The following POLH variants were observed in gnomAD, a reference collection of about 807,000 sequenced individuals.
POLH encodes DNA polymerase eta, also known as DNA polymerase eta transcript.
Under a neutral mutation model 73.6 loss-of-function variants are expected in POLH, and 53 were observed. That is an observed-to-expected ratio of 0.72 (90% CI 0.58 to 0.91). The LOEUF is 0.91. POLH is among the 40% of genes least tolerant of loss of function. The pLI, the probability that POLH is intolerant of heterozygous loss-of-function variation, is 0.00. For missense variants in POLH, 768 were observed against 865.4 expected (o/e 0.89, Z 1.41); for synonymous variants, 292 against 308.5 (o/e 0.95, Z 0.56).
At chr6:43,581,539 A>T (rs1192621736) in intron 1 of POLH, among the ~76,000 whole-genome samples, 1 of 150,406 alleles carries the variant, frequency 6.6e-6, no homozygotes, top group Non-Finnish European at 1.5e-5. Context: ...AGGCCAAGGC[A>T]GGCGGCTGCT....
chr6:43,610,578 G>A lies in POLH; in HGVS notation c.1099G>A (p.Val367Ile). 1 of 1,614,044 alleles carries A rather than the reference G, an allele frequency of 6.2e-7. No homozygotes were observed. Among genetic ancestry groups the A allele is most frequent in the Non-Finnish European group, 8.5e-7 (1 of 1,179,994 alleles). ...NDNDRVATQL[V>I]VSIRVQGDKR... ...GAATGACAGGGTAGCCACCCAGCTGGTTGTGAGCATTCGTGTACAAGGAGA... is the reference window on the plus strand; with the variant it reads ...GAATGACAGGGTAGCCACCCAGCTGATTGTGAGCATTCGTGTACAAGGAGA... Residue 367 changes from valine (V) to isoleucine (I), a missense_variant, in exon 10 of 11, where the codon GTT becomes ATT. Coordinates refer to ENST00000372236, the MANE Select transcript of POLH (RefSeq NM_006502.3).
At chr6:43,594,126 T>G (rs1765783152) in intron 4 of POLH, among the ~76,000 whole-genome samples, 1 of 152,170 alleles carries the variant, frequency 6.6e-6, no homozygotes, top group African/African-American at 2.4e-5. Context: ...TTTAAAAATC[T>G]ACATTGCCAC....
intron 3 of POLH, 122 bp from the exon 4 acceptor site, chr6:43,587,148 CTG>C: frequency 1.3e-6 from 1 of 799,202 alleles, no homozygotes; most frequent in East Asian, 2.4e-5. Context: ...TGTCTAGTCT[CTG>C]TTAAGCCACA....
At chr6:43,604,846 G>T in intron 8 of POLH, 108 bp downstream of exon 8, 1 of 1,115,754 alleles carries the variant, frequency 9.0e-7, no homozygotes, top group South Asian at 1.3e-5. Context: ...TATAAAGTAT[G>T]AAGAAAACAG....
At chr6:43,605,368 T>A (rs757650059) in intron 9 of POLH, 49 bp downstream of exon 9, 3 of 893,762 alleles carry the variant, frequency 3.4e-6, no homozygotes, top group Admixed American at 3.7e-5. Context: ...AATTTACATA[T>A]CAGCTGCTCT....
intron 10 of POLH, among the ~76,000 whole-genome samples, chr6:43,613,118 T>C (rs1337090805): frequency 6.6e-6 from 1 of 152,168 alleles, no homozygotes; most frequent in Non-Finnish European, 1.5e-5. Flanking sequence ...TTTCTTAAAA[T>C]GTTTCTGAAA....
chr6:43,597,759 C>T lies in POLH; in HGVS notation c.554C>T (p.Ser185Phe). ...TCTCTTCAGATTGATAACCTCACCTCTCCAGACCTGCAGCTCACCGTGGGA... is the reference window on the plus strand; with the variant it reads ...TCTCTTCAGATTGATAACCTCACCTTTCCAGACCTGCAGCTCACCGTGGGA... Reference protein sequence around the residue: ...LDSLQIDNLTSPDLQLTVGAV... With the variant: ...LDSLQIDNLTFPDLQLTVGAV... Residue 185 changes from serine (S) to phenylalanine (F), a missense_variant, in exon 5 of 11, where the codon TCT becomes TTT. By Grantham distance (155) the Ser-to-Phe change is radical. Coordinates refer to ENST00000372236, the MANE Select transcript of POLH (RefSeq NM_006502.3). The T allele has an allele frequency of 6.2e-7, 1 of 1,614,046 alleles. No individual in the cohort carries two copies. Among genetic ancestry groups the T allele is most frequent in the East Asian group, 2.2e-5 (1 of 44,886 alleles).
chr6:43,591,778 T>A (rs1316399550), intron 4 of POLH, among the ~76,000 whole-genome samples: 1 of 152,178 alleles, frequency 6.6e-6, no homozygotes, highest in African/African-American at 2.4e-5. Flanking sequence ...CATAAGACAA[T>A]TTTGCATGCA....
At chr6:43,591,896 T>A (rs943918671) in intron 4 of POLH, among the ~76,000 whole-genome samples, 6 of 152,246 alleles carry the variant, frequency 3.9e-5, no homozygotes, top group Admixed American at 3.3e-4. Flanking sequence ...AGCATTCTAT[T>A]ATCTCTGGCT....
chr6:43,602,995 CTTTTTTTTTTTT>C (rs59306548), intron 6 of POLH, among the ~76,000 whole-genome samples: 22 of 114,022 alleles, frequency 1.9e-4, no homozygotes, highest in African/African-American at 2.7e-4. Context: ...TTATGTATTC[CTTTTTTTTTTTT>C]TTTTTTTTTT....
Position 43,611,610 on chromosome 6 carries a change from T to A in POLH, c.1244+887T>A, listed in dbSNP as rs1045066853. 3.3e-5 allele frequency among the ~76,000 whole-genome samples: 5 copies of A among 152,274 alleles called. No homozygotes were observed. The South Asian group carries it at 1.0e-3, about 32-fold the overall frequency. On this transcript the variant is annotated intron_variant, in intron 10 of 10. Transcript: ENST00000372236. The stretch of plus-strand genomic sequence containing the variant: ...CAAATTCACAATAGAAATATAATTA[T>A]GAGAGAGAGGTAAGTCAGTTGCTCA...
intron 9 of POLH, 111 bp downstream of exon 9, chr6:43,605,430 A>G: frequency 3.4e-6 from 2 of 588,744 alleles, no homozygotes. Context: ...CATAGGAAAT[A>G]TCCGTTTTCT....
At position 43,586,082 on chromosome 6, in the gene POLH, A is replaced by G. The variant is rs1169832622; in HGVS notation, c.273-1190A>G. 2.6e-5 allele frequency among the ~76,000 whole-genome samples: 4 copies of G among 152,114 alleles called. 1 individual carries two copies. Among genetic ancestry groups the G allele is most frequent in the South Asian group, 2.1e-4 (1 of 4,822 alleles). On this transcript the variant is annotated intron_variant, in intron 3 of 10. Coordinates refer to ENST00000372236, the MANE Select transcript of POLH (RefSeq NM_006502.3). ...AATTATATTAGTTTTTATGGGTGTC[A>G]TGGTGAAGAGGTACCGATGTTTTCA... is the stretch of plus-strand genomic sequence containing the variant.
chr6:43,579,700 T>C (rs1054093163), intron 1 of POLH, among the ~76,000 whole-genome samples: 10 of 152,024 alleles, frequency 6.6e-5, no homozygotes, highest in Admixed American at 3.9e-4. Flanking sequence ...GCATCAGAAG[T>C]AGGGGGCAGT....
At chr6:43,579,247 C>G (rs1432061469) in intron 1 of POLH, among the ~76,000 whole-genome samples, 2 of 152,194 alleles carry the variant, frequency 1.3e-5, no homozygotes, top group Non-Finnish European at 2.9e-5. Flanking sequence ...ATAAGACTTT[C>G]ATTTCAGAAG....
rs976358749 is a variant in POLH at position 43,617,952 on chromosome 6, T to C, written c.*3395T>C. Among the ~76,000 whole-genome samples, 1 of 152,154 alleles carries C rather than the reference T, an allele frequency of 6.6e-6. No homozygotes were observed. The highest frequency in any genetic ancestry group is 2.4e-5 in the African/African-American group (1 of 41,444). On this transcript the variant is annotated 3_prime_UTR_variant, in exon 11 of 11. Transcript: ENST00000372236. ...AAATTCCCAATGTGTATCTTAAAGTTTGAGAAATGCTGATCTAAAAGATAC... is the reference window on the plus strand; with the variant it reads ...AAATTCCCAATGTGTATCTTAAAGTCTGAGAAATGCTGATCTAAAAGATAC...
chr6:43,591,237 G>A (rs1765428161), intron 4 of POLH: 1 of 152,184 alleles, frequency 6.6e-6, no homozygotes, highest in African/African-American at 2.4e-5. Context: ...TGGGACCAGA[G>A]TCAGAAATTT....
chr6:43,597,658 T>G (rs1363621279), intron 4 of POLH, 38 bp from the exon 5 acceptor site: 1 of 1,559,712 alleles, frequency 6.4e-7, no homozygotes, highest in South Asian at 1.1e-5. Flanking sequence ...ATAAATAATT[T>G]TTTAAATGTC....
chr6:43,591,702 A>C (rs1765481578), intron 4 of POLH, among the ~76,000 whole-genome samples: 1 of 151,660 alleles, frequency 6.6e-6, no homozygotes, highest in Admixed American at 6.6e-5. Context: ...TTTGAGAATT[A>C]CATACTCTTA....
Sources: allele counts gnomAD v4.1 joint callset (sites outside exome capture counted in the v4.1 genomes callset), GRCh38; gene constraint gnomAD v4.1.1; transcripts MANE v1.5; gene names NCBI Gene and HGNC (gene_info 2026-07-23, HGNC 2026-07-21).